GRIP1: variants seen among roughly 807,000 people sequenced by gnomAD.
GRIP1 encodes the protein glutamate receptor interacting protein 1, also known as glutamate receptor-interacting protein 1.
In GRIP1, 45 loss-of-function variants were observed where a neutral mutation model predicts 129.9. That is an observed-to-expected ratio of 0.35 (90% CI 0.27 to 0.44). The LOEUF (loss-of-function observed/expected upper bound fraction) is 0.44, where lower values mean the gene tolerates loss of function less well. Ranked by LOEUF, GRIP1 falls within the 20% of genes least tolerant of loss-of-function variation. The probability of loss-of-function intolerance (pLI) is 1.00; values close to 1 mark genes in which losing one functional copy is unlikely to be tolerated. For synonymous variants in GRIP1, 530 were observed against 520.8 expected, an observed-to-expected ratio of 1.02 and a Z score of -0.24; for missense variants, 1,196 against 1,396.8, an observed-to-expected ratio of 0.86 and a Z score of 2.29.
intron 19 of GRIP1, among the ~76,000 whole-genome samples, chr12:66,387,493 G>C (rs1361243461): frequency 6.6e-6 from 1 of 152,174 alleles, no homozygotes; most frequent in Non-Finnish European, 1.5e-5. Flanking sequence ...GTGGTGAGCA[G>C]TAATTGAAAA....
rs1199186893 is a variant in GRIP1, at chr12:66,422,851, G to A, written c.1769-2062C>T. Among the ~76,000 whole-genome samples, 7 of 152,012 alleles carry A rather than the reference G, an allele frequency of 4.6e-5. No homozygotes were observed. The East Asian group carries it at 7.7e-4, about 17-fold the overall frequency. ...GGATGCCCATTGGGATGATGGGGTC[G>A]AACCCAGAAGTGTGTCATCCAGATC... On this transcript the variant is annotated intron_variant, in intron 14 of 24. Transcript: ENST00000359742.
intron 5 of GRIP1, among the ~76,000 whole-genome samples, chr12:66,520,456 C>T (rs4144464): frequency 0.27 from 41,217 of 152,102 alleles, 5,761 homozygotes; most frequent in Middle Eastern, 0.33. Flanking sequence ...TATAAAAATG[C>T]GGTCCTCATA....
At chr12:66,530,094 C>G (rs76085750) in intron 4 of GRIP1, among the ~76,000 whole-genome samples, 180 bp from the exon 5 acceptor site, 3,757 of 152,178 alleles carry the variant, frequency 0.025, 152 homozygotes, top group African/African-American at 0.087. Context: ...TACCATAAAA[C>G]AGTCATCTGT....
chr12:66,443,704 C>T (rs2058535727), intron 13 of GRIP1, among the ~76,000 whole-genome samples: 1 of 152,134 alleles, frequency 6.6e-6, no homozygotes, highest in Admixed American at 6.5e-5. Flanking sequence ...GATCCACCTA[C>T]CTCAGCCTCC....
chr12:66,538,814 G>A (rs778658074), intron 4 of GRIP1, among the ~76,000 whole-genome samples: 3 of 151,644 alleles, frequency 2.0e-5, no homozygotes, highest in Non-Finnish European at 2.9e-5. Flanking sequence ...TGTTGCCCAG[G>A]CTGGTCTCGA....
chr12:66,655,606 C>CTTTTTTTTTTTTTTTT (rs1173143521), intron 1 of GRIP1, among the ~76,000 whole-genome samples: 1 of 118,044 alleles, frequency 8.5e-6, no homozygotes, highest in African/African-American at 3.2e-5. Context: ...TTTTTTTGTA[C>CTTTTTTTTTTTTTTTT]TTTTTTTTTT....
chr12:66,780,811 G>A (rs903516953), intron 1 of GRIP1, among the ~76,000 whole-genome samples: 2 of 152,072 alleles, frequency 1.3e-5, no homozygotes, highest in African/African-American at 2.4e-5. Context: ...CTCTATCTTG[G>A]AACCCAGCTG....
rs547698379 is a variant in GRIP1 at position 66,360,768 on chromosome 12, T to C, written c.3013-7205A>G. Among the ~76,000 whole-genome samples the C allele has an allele frequency of 9.5e-4, 145 of 152,286 alleles. 1 individual carries two copies. The highest frequency in any genetic ancestry group is 4.3e-4 in the Non-Finnish European group (29 of 68,014). ...TGCTTATGTTTTCAGTTTTGACACA[T>C]GTGAAAGGCTTTAACTGCAGAGCCA... On this transcript the variant is annotated intron_variant, in intron 23 of 24. Transcript: ENST00000359742.
At chr12:66,908,879 T>C (rs1211491997) in intron 1 of GRIP1, among the ~76,000 whole-genome samples, 1 of 152,162 alleles carries the variant, frequency 6.6e-6, no homozygotes, top group African/African-American at 2.4e-5. Flanking sequence ...AAACAACCCT[T>C]GGATTTAAGA....
intron 7 of GRIP1, among the ~76,000 whole-genome samples, chr12:66,479,103 C>G (rs913661394): frequency 7.4e-5 from 3 of 40,528 alleles, no homozygotes; most frequent in African/African-American, 6.2e-4. Context: ...AGAGATAAAA[C>G]AGAAAAAAAA....
intron 23 of GRIP1, among the ~76,000 whole-genome samples, chr12:66,366,665 G>T (rs557429778): frequency 6.6e-6 from 1 of 152,168 alleles, no homozygotes; most frequent in Non-Finnish European, 1.5e-5. Context: ...AAAAGGAAAT[G>T]TCAATATGAT....
chr12:67,025,762 TGGAA>T (rs2042934627), intron 1 of GRIP1, among the ~76,000 whole-genome samples: 1 of 152,102 alleles, frequency 6.6e-6, no homozygotes, highest in Admixed American at 6.5e-5. Context: ...TGTGGATAAA[TGGAA>T]GATAACAGGA....
At chr12:66,514,193 C>T (rs773656079) in intron 7 of GRIP1, among the ~76,000 whole-genome samples, 1 of 152,116 alleles carries the variant, frequency 6.6e-6, no homozygotes, top group Admixed American at 6.6e-5. Context: ...GAGCAGGGAC[C>T]AGGTCTATTT....
At chr12:67,042,691 G>C (rs1592506199) in intron 1 of GRIP1, among the ~76,000 whole-genome samples, 1 of 152,130 alleles carries the variant, frequency 6.6e-6, no homozygotes, top group South Asian at 2.1e-4. Flanking sequence ...AAGAGGCCAG[G>C]ACTGAGGACA....
chr12:66,510,308 G>A (rs1431930812), intron 7 of GRIP1, among the ~76,000 whole-genome samples: 3 of 152,002 alleles, frequency 2.0e-5, no homozygotes, highest in Non-Finnish European at 4.4e-5. Flanking sequence ...GGCCCTCTAC[G>A]CATTCCTGGT....
Position 66,549,384 on chromosome 12 carries a change from T to C in GRIP1, c.137-7434A>G, listed in dbSNP as rs537191369. 3.3e-5 allele frequency among the ~76,000 whole-genome samples: 5 copies of C among 152,242 alleles called. No individual in the cohort carries two copies. The South Asian group carries it at 6.2e-4, about 19-fold the overall frequency. ...TTGATTAATTGTACCAATGCCTTAG[T>C]AAGGGGAATTAGGGCACGCACCAGA... On this transcript the variant is annotated intron_variant, in intron 2 of 24. Coordinates refer to ENST00000359742, the MANE Select transcript of GRIP1 (RefSeq NM_001366722.1).
At chr12:66,531,472 G>A (rs1309379812) in intron 4 of GRIP1, among the ~76,000 whole-genome samples, 1 of 151,754 alleles carries the variant, frequency 6.6e-6, no homozygotes, top group Admixed American at 6.6e-5. Flanking sequence ...GAAGAAACAT[G>A]ATTAAGAAAA....
intron 1 of GRIP1, among the ~76,000 whole-genome samples, chr12:66,875,426 G>C (rs1037904703): frequency 2.0e-5 from 3 of 152,030 alleles, no homozygotes; most frequent in African/African-American, 7.2e-5. Context: ...ACCTGGATGA[G>C]GTTACATAGC....
chr12:66,488,971 C>T (rs905030487), intron 7 of GRIP1, among the ~76,000 whole-genome samples: 3 of 151,928 alleles, frequency 2.0e-5, no homozygotes, highest in Non-Finnish European at 4.4e-5. Context: ...AAATTTAGTC[C>T]GTAATAAATA....
Sources: gnomAD v4.1 joint callset for allele counts (sites outside exome capture counted in the v4.1 genomes callset) on GRCh38, gnomAD v4.1.1 for gene constraint, MANE v1.5 for transcripts, NCBI Gene and HGNC (gene_info 2026-07-23, HGNC 2026-07-21) for gene names.